Variants in EFCAB8 observed in about 807,000 individuals in gnomAD.
EFCAB8 encodes the protein EF-hand calcium binding domain 8.
EFCAB8 carries 100 observed loss-of-function variants against 116.3 expected under a neutral mutation model. The observed-to-expected ratio is 0.86, with a 90% CI of 0.73 to 1.02. The LOEUF (loss-of-function observed/expected upper bound fraction) is 1.02. Ranked by LOEUF, EFCAB8 falls within the 50% of genes least tolerant of loss-of-function variation. EFCAB8 has a pLI of 0.00. For synonymous variants in EFCAB8, 558 were observed against 567.9 expected, an observed-to-expected ratio of 0.98 and a Z score of 0.25; for missense variants, 1,320 against 1,416.9, an observed-to-expected ratio of 0.93 and a Z score of 1.10.
At chr20:32,959,244 A>G (rs554003596) in intron 24 of EFCAB8, among the ~76,000 whole-genome samples, 1 of 152,310 alleles carries the variant, frequency 6.6e-6, no homozygotes, top group South Asian at 2.1e-4. Context: ...AAGTAATGAG[A>G]GTATTAGGAA....
At chr20:32,865,188 A>T (rs1333129108) in intron 2 of EFCAB8, among the ~76,000 whole-genome samples, 1 of 152,158 alleles carries the variant, frequency 6.6e-6, no homozygotes, top group Non-Finnish European at 1.5e-5. Context: ...GGGAATATGG[A>T]GGTGGCAGTG....
At chr20:32,904,378 G>A (rs1161100267) in intron 11 of EFCAB8, among the ~76,000 whole-genome samples, 1 of 151,312 alleles carries the variant, frequency 6.6e-6, no homozygotes, top group African/African-American at 2.4e-5. Context: ...ACAGCTCACT[G>A]CAGCCTCAAC....
intron 22 of EFCAB8, among the ~76,000 whole-genome samples, chr20:32,937,543 T>C (rs1988168137): frequency 6.6e-6 from 1 of 152,190 alleles, no homozygotes; most frequent in Non-Finnish European, 1.5e-5. Flanking sequence ...GAGATTGGAT[T>C]AGTAATAAAA....
chr20:32,901,619 C>T (rs1386940533), intron 11 of EFCAB8, among the ~76,000 whole-genome samples: 1 of 152,240 alleles, frequency 6.6e-6, no homozygotes, highest in Non-Finnish European at 1.5e-5. Flanking sequence ...CAGGCTCAGG[C>T]GTGCTCCTGC....
rs1188371874 is a variant in EFCAB8 at position 32,893,198 on chromosome 20, C to T, written c.783C>T (p.Phe261=). 6.4e-7 allele frequency: 1 copy of T among 1,551,990 alleles called. No homozygotes were observed. The highest frequency in any genetic ancestry group is 8.7e-7 in the Non-Finnish European group (1 of 1,147,058). The change falls in exon 9 of 27, where the codon TTC becomes TTT. Residue 261 remains phenylalanine (F), a synonymous_variant. Transcript: ENST00000400522. ...DYWSDYHRGV[F]CYGDAKGNVI... is the part of the protein sequence containing the mutation. ...GGTCTGACTATCACAGAGGTGTGTT[C>T]TGCTATGGAGACGCCAAAGGCAACG...
chr20:32,960,301 C>A, intron 26 of EFCAB8, 140 bp downstream of exon 26: 1 of 827,178 alleles, frequency 1.2e-6, no homozygotes, highest in Non-Finnish European at 1.9e-6. Flanking sequence ...GGATTCTGGG[C>A]CATGGACAGG....
chr20:32,930,454 C>T lies in EFCAB8; in HGVS notation c.2469C>T (p.Ser823=), dbSNP rs1336981533. 6.4e-7 allele frequency: 1 copy of T among 1,551,848 alleles called. No individual in the cohort carries two copies. The highest frequency in any genetic ancestry group is 8.7e-7 in the Non-Finnish European group (1 of 1,147,038). Residue 823 remains serine, a synonymous_variant, in exon 21 of 27, where the codon AGC becomes AGT. Transcript: ENST00000400522. The part of the protein sequence containing the change: ...RLPHTAALLS[S]CMDGYIYAWS... ...CGCACACGGCTGCCCTGCTGAGCAG[C>T]TGCATGGACGGCTACATCTACGCCT...
intron 10 of EFCAB8, 54 bp downstream of exon 10, chr20:32,896,581 A>C (rs1162912355): frequency 1.4e-6 from 1 of 710,948 alleles, no homozygotes; most frequent in Non-Finnish European, 2.6e-6. Context: ...GTACACACAC[A>C]CCACTCAAAA....
At position 32,961,461 on chromosome 20, in the gene EFCAB8, C is replaced by A; in HGVS notation, c.3719C>A (p.Thr1240Asn). 4 of 1,451,552 alleles carry A rather than the reference C, an allele frequency of 2.8e-6. No individual in the cohort carries two copies. The highest frequency in any genetic ancestry group is 3.6e-6 in the Non-Finnish European group (4 of 1,098,962). 89.9% of individuals were successfully genotyped at this position (1,451,552 alleles called of 1,614,324 possible). The change falls in exon 27 of 27, where the codon ACC becomes AAC. Residue 1240 changes from threonine to asparagine, a missense_variant. Coordinates refer to ENST00000400522, the MANE Select transcript of EFCAB8 (RefSeq NM_001143967.2). ...CAGTCAGCCTCCACAGCCCATTCCA[C>A]CCCCTCGGTCCCATCCCCGGTGTCC... is the stretch of plus-strand genomic sequence containing the variant. Reference protein sequence around the residue: ...RPQSASTAHSTPSVPSPVSKS... With the variant: ...RPQSASTAHSNPSVPSPVSKS...
chr20:32,942,455 G>A (rs1311383578), intron 22 of EFCAB8, among the ~76,000 whole-genome samples: 1 of 151,974 alleles, frequency 6.6e-6, no homozygotes. Flanking sequence ...GGGAGGCCAA[G>A]GTGGGCAGAT....
chr20:32,893,015 A>G (rs1985993487), intron 8 of EFCAB8, among the ~76,000 whole-genome samples, 159 bp from the exon 9 acceptor site: 2 of 151,620 alleles, frequency 1.3e-5, no homozygotes, highest in Non-Finnish European at 2.9e-5. Context: ...TAATTTTTGT[A>G]TTTTTAGTAG....
At chr20:32,926,845 A>AT (rs1475638394) in intron 20 of EFCAB8, among the ~76,000 whole-genome samples, 1 of 146,856 alleles carries the variant, frequency 6.8e-6, no homozygotes, top group African/African-American at 2.5e-5. Flanking sequence ...TGAACTCATC[A>AT]TTTTTTATGG....
At chr20:32,871,096 AC>A (rs1489190979) in intron 3 of EFCAB8, among the ~76,000 whole-genome samples, 1 of 151,736 alleles carries the variant, frequency 6.6e-6, no homozygotes, top group East Asian at 1.9e-4. Context: ...CAGGTGATCC[AC>A]CTGTCTCGCC....
intron 3 of EFCAB8, among the ~76,000 whole-genome samples, chr20:32,872,321 G>A (rs1299993823): frequency 6.6e-6 from 1 of 152,100 alleles, no homozygotes; most frequent in Non-Finnish European, 1.5e-5. Context: ...GGTGCATAAG[G>A]CACAGAGAAC....
In EFCAB8 at chr20:32,887,228, A is replaced by G. The variant is rs1293500450; in HGVS notation, c.567+1588A>G. ...CCCTGCTCCTTCCTCCCAGCTTTTCAGATCGTACTTCTTTCTGCTTTCTTC... is the reference window on the plus strand; with the variant it reads ...CCCTGCTCCTTCCTCCCAGCTTTTCGGATCGTACTTCTTTCTGCTTTCTTC... On this transcript the variant is annotated intron_variant, in intron 6 of 26. Transcript: ENST00000400522. Among the ~76,000 whole-genome samples the G allele has an allele frequency of 6.6e-5, 10 of 152,266 alleles. No individual in the cohort carries two copies. The East Asian group carries it at 1.5e-3, about 24-fold the overall frequency.
chr20:32,905,496 C>G (rs1050105779), intron 11 of EFCAB8, among the ~76,000 whole-genome samples: 3 of 152,154 alleles, frequency 2.0e-5, no homozygotes, highest in African/African-American at 4.8e-5. Context: ...GGTTTGGTGG[C>G]TCATGCCTGT....
chr20:32,889,152 G>A, intron 6 of EFCAB8, 149 bp from the exon 7 acceptor site: 5 of 625,872 alleles, frequency 8.0e-6, no homozygotes, highest in Non-Finnish European at 1.4e-5. Context: ...GTTTATCCAA[G>A]GCCCCTATCA....
intron 20 of EFCAB8, among the ~76,000 whole-genome samples, chr20:32,920,698 C>G: frequency 6.6e-6 from 1 of 152,108 alleles, no homozygotes; most frequent in Non-Finnish European, 1.5e-5. Context: ...TCCCACAACA[C>G]GGGGGAATTC....
intron 4 of EFCAB8, 42 bp downstream of exon 4, chr20:32,876,086 C>A: frequency 6.6e-7 from 1 of 1,506,372 alleles, no homozygotes; most frequent in Non-Finnish European, 9.0e-7. Context: ...TGGAGGGAGG[C>A]TGGAGGGTCC....
Sources: gnomAD v4.1 joint callset for allele counts (sites outside exome capture counted in the v4.1 genomes callset) on GRCh38, gnomAD v4.1.1 for gene constraint, MANE v1.5 for transcripts, NCBI Gene and HGNC (gene_info 2026-07-23, HGNC 2026-07-21) for gene names.